The following GALNT14 variants were observed in gnomAD, a reference collection of about 807,000 sequenced individuals.
GALNT14 encodes UDP-GalNAc:polypeptide N-acetylgalactosaminyltransferase 14.
A neutral mutation model predicts 77.5 loss-of-function variants in GALNT14; 60 were observed. The ratio of observed to expected loss-of-function variants is 0.77; its 90% CI spans 0.63 to 0.96. The LOEUF (loss-of-function observed/expected upper bound fraction) is 0.96. GALNT14 is among the 40% of genes least tolerant of loss of function. The pLI, the probability that GALNT14 is intolerant of heterozygous loss-of-function variation, is 0.00. For synonymous variants in GALNT14, 280 were observed against 281.7 expected (o/e 0.99, Z 0.06); for missense variants, 710 against 731.0 (o/e 0.97, Z 0.33).
rs749249141 is a variant in GALNT14 at position 30,924,203 on chromosome 2, T to A, written c.1296A>T (p.Glu432Asp). The A allele has an allele frequency of 6.2e-7, 1 of 1,614,092 alleles. No homozygotes were observed. Among genetic ancestry groups the A allele is most frequent in the Non-Finnish European group, 8.5e-7 (1 of 1,180,030 alleles). The change falls in exon 13 of 15, where the codon GAA (glutamate) becomes GAT (aspartate). Residue 432 changes from glutamate to aspartate, a missense_variant. Transcript: ENST00000349752. The part of the protein sequence containing the change: ...GNIRQRQKCL[E>D]SQRQNNQETP... ...TTTCTTGGTTGTTCTGCCTTTGAGATTCCAGGCACTTCTGTCTCTGTCGGA... is the reference window on the plus strand; with the variant it reads ...TTTCTTGGTTGTTCTGCCTTTGAGAATCCAGGCACTTCTGTCTCTGTCGGA...
intron 1 of GALNT14, among the ~76,000 whole-genome samples, chr2:31,128,096 A>G (rs1678785716): frequency 1.3e-5 from 2 of 152,170 alleles, no homozygotes; most frequent in Non-Finnish European, 2.9e-5. Flanking sequence ...CAAAATATCC[A>G]GGAAGACATC....
At chr2:31,114,737 A>G in intron 1 of GALNT14, 2 of 716,668 alleles carry the variant, frequency 2.8e-6, no homozygotes, top group Non-Finnish European at 5.2e-6. Flanking sequence ...GAAGTAAAGA[A>G]TTTACCTGAC....
chr2:30,895,354 C>T, the GALNT14 span, among the ~76,000 whole-genome samples: 2 of 152,004 alleles, frequency 1.3e-5, no homozygotes, highest in South Asian at 4.1e-4. Flanking sequence ...CCTGGGAACA[C>T]AGAAGGACAC....
intron 10 of GALNT14, among the ~76,000 whole-genome samples, chr2:30,929,688 C>G (rs1665611202): frequency 6.6e-6 from 1 of 152,194 alleles, no homozygotes; most frequent in Non-Finnish European, 1.5e-5. Context: ...GGTCTTTACC[C>G]CAAGACACAA....
chr2:30,927,056 A>G (rs2148239002), intron 11 of GALNT14, among the ~76,000 whole-genome samples: 1 of 152,294 alleles, frequency 6.6e-6, no homozygotes, highest in Admixed American at 6.5e-5. Flanking sequence ...GATGATGGGA[A>G]TAATGCAGCA....
chr2:30,954,006 C>G (rs955522926), intron 6 of GALNT14, among the ~76,000 whole-genome samples: 3 of 152,152 alleles, frequency 2.0e-5, no homozygotes, highest in Non-Finnish European at 4.4e-5. Flanking sequence ...AGAGGACTAA[C>G]CCAGAAGAGG....
At chr2:31,062,469 C>T (rs1410023288) in intron 1 of GALNT14, among the ~76,000 whole-genome samples, 1 of 152,178 alleles carries the variant, frequency 6.6e-6, no homozygotes, top group Non-Finnish European at 1.5e-5. Context: ...CATTGATGGG[C>T]ATTTGGGTTG....
At chr2:31,120,754 A>C (rs1678370080) in intron 1 of GALNT14, among the ~76,000 whole-genome samples, 1 of 152,164 alleles carries the variant, frequency 6.6e-6, no homozygotes, top group African/African-American at 2.4e-5. Context: ...ACAGGGTTTC[A>C]CTATGTTGGC....
intron 1 of GALNT14, chr2:31,132,576 T>A (rs1450894247): frequency 2.5e-6 from 1 of 395,594 alleles, no homozygotes; most frequent in Admixed American, 3.0e-5. Flanking sequence ...CACACTGAAA[T>A]TGCCTTTGCA....
At chr2:30,913,497 C>T (rs1413182887) in intron 13 of GALNT14, among the ~76,000 whole-genome samples, 1 of 152,172 alleles carries the variant, frequency 6.6e-6, no homozygotes, top group Non-Finnish European at 1.5e-5. Flanking sequence ...ATCTTCCCTC[C>T]TGGTCCCTGG....
At chr2:30,997,472 G>C (rs932297126) in intron 1 of GALNT14, among the ~76,000 whole-genome samples, 10 of 152,198 alleles carry the variant, frequency 6.6e-5, no homozygotes, top group African/African-American at 1.9e-4. Context: ...CCCTGGTACA[G>C]GAAGTGATAC....
At chr2:30,901,444 ACAC>A in the GALNT14 span, among the ~76,000 whole-genome samples, 1 of 152,074 alleles carries the variant, frequency 6.6e-6, no homozygotes, top group African/African-American at 2.4e-5. Flanking sequence ...ATACACACAC[ACAC>A]AACATATATA....
chr2:31,055,295 T>C (rs545334158), intron 1 of GALNT14, among the ~76,000 whole-genome samples: 2 of 152,336 alleles, frequency 1.3e-5, no homozygotes, highest in African/African-American at 4.8e-5. Flanking sequence ...TTTTCATTTA[T>C]CCTAATATTT....
At chr2:31,128,645 G>T (rs1678817173) in intron 1 of GALNT14, among the ~76,000 whole-genome samples, 1 of 152,186 alleles carries the variant, frequency 6.6e-6, no homozygotes, top group Non-Finnish European at 1.5e-5. Context: ...GCCCAGGAGG[G>T]AGGTAGTAGC....
At chr2:31,117,863 C>A (rs1678189528) in intron 1 of GALNT14, among the ~76,000 whole-genome samples, 1 of 152,098 alleles carries the variant, frequency 6.6e-6, no homozygotes, top group African/African-American at 2.4e-5. Flanking sequence ...ATTTAGAGAC[C>A]AAAACATCTT....
chr2:30,948,775 G>A (rs1478321198), intron 6 of GALNT14, among the ~76,000 whole-genome samples: 2 of 152,164 alleles, frequency 1.3e-5, no homozygotes, highest in African/African-American at 2.4e-5. Flanking sequence ...CTTGTAGCAA[G>A]TTATTAAACC....
chr2:30,956,074 C>T, intron 4 of GALNT14, 97 bp from the exon 5 acceptor site: 1 of 1,188,696 alleles, frequency 8.4e-7, no homozygotes, highest in South Asian at 1.3e-5. Context: ...GTAGGTGAGG[C>T]AGCCCTGTCC....
chr2:30,996,612 C>A (rs1670053419), intron 1 of GALNT14, among the ~76,000 whole-genome samples: 1 of 152,384 alleles, frequency 6.6e-6, no homozygotes, highest in African/African-American at 2.4e-5. Flanking sequence ...GGGCCCGAGG[C>A]TGCTGGTTTC....
chr2:31,035,584 T>TGTGTGTATAC (rs1553363678), intron 1 of GALNT14, among the ~76,000 whole-genome samples: 2 of 139,470 alleles, frequency 1.4e-5, no homozygotes, highest in Admixed American at 7.0e-5. Flanking sequence ...TGTGTGTGTG[T>TGTGTGTATAC]GTATACATAT....
Sources: allele counts gnomAD v4.1 joint callset (sites outside exome capture counted in the v4.1 genomes callset), GRCh38; gene constraint gnomAD v4.1.1; transcripts MANE v1.5; gene names NCBI Gene and HGNC (gene_info 2026-07-23, HGNC 2026-07-21).